RALGAPA1: variants seen among roughly 807,000 people sequenced by gnomAD.
The protein encoded by RALGAPA1 is ral GTPase-activating protein subunit alpha-1.
Under a neutral mutation model 269.6 loss-of-function variants are expected in RALGAPA1, and 52 were observed. The ratio of observed to expected loss-of-function variants is 0.19; its 90% CI spans 0.15 to 0.24. The LOEUF (loss-of-function observed/expected upper bound fraction) is 0.24, where lower values mean the gene tolerates loss of function less well. Among genes scored for constraint, RALGAPA1 ranks in the 10% least tolerant of loss-of-function variants. The probability of loss-of-function intolerance (pLI) is 1.00; values close to 1 mark genes in which losing one functional copy is unlikely to be tolerated. For synonymous variants in RALGAPA1, 817 were observed against 1,008.3 expected, an observed-to-expected ratio of 0.81 and a Z score of 3.60; for missense variants, 1,917 against 3,013.9, an observed-to-expected ratio of 0.64 and a Z score of 8.52.
rs776457004 is a variant in RALGAPA1, at chr14:35,686,539, T to C, written c.4077+3A>G. 8 of 1,594,674 alleles carry C rather than the reference T, an allele frequency of 5.0e-6. No homozygotes were observed. In the South Asian group the frequency reaches 9.2e-5, roughly 18 times the overall value. On this transcript the variant is annotated splice_donor_region_variant and intron_variant, in intron 19 of 41. Transcript: ENST00000680220. ...AAAACCAAATATATAAAATAAAACTTACCGAGGCATTACCACTTCGAAGTC... is the reference window on the plus strand; with the variant it reads ...AAAACCAAATATATAAAATAAAACTCACCGAGGCATTACCACTTCGAAGTC...
intron 36 of RALGAPA1, among the ~76,000 whole-genome samples, chr14:35,599,385 G>C (rs965203035): frequency 5.3e-5 from 8 of 152,084 alleles, no homozygotes; most frequent in Admixed American, 4.6e-4. Context: ...AGTTCTCTAA[G>C]TTTCTCTTCA....
intron 35 of RALGAPA1, among the ~76,000 whole-genome samples, chr14:35,612,139 T>C (rs867374842): frequency 6.6e-6 from 1 of 151,972 alleles, no homozygotes; most frequent in Non-Finnish European, 1.5e-5. Flanking sequence ...TTTGGGAGGC[T>C]GTTAGGAAGA....
At chr14:35,606,121 G>A (rs982963777) in intron 35 of RALGAPA1, among the ~76,000 whole-genome samples, 15 of 152,196 alleles carry the variant, frequency 9.9e-5, no homozygotes, top group Non-Finnish European at 2.2e-4. Context: ...GTACAGAGAT[G>A]AGTGAGAAAG....
chr14:35,579,314 G>A lies in RALGAPA1; in HGVS notation c.7210-6596C>T, dbSNP rs558419930. 1.3e-4 allele frequency among the ~76,000 whole-genome samples: 20 copies of A among 152,244 alleles called. No individual in the cohort carries two copies. In the East Asian group the frequency reaches 1.9e-3, roughly 15 times the overall value. On this transcript the variant is annotated intron_variant, in intron 37 of 41. Transcript: ENST00000680220. The stretch of plus-strand genomic sequence containing the variant: ...AGGCAGGCTGGTGGGGCCAAATCAC[G>A]TAGTGCCATAGTGAGGAATTAGAAT...
chr14:35,693,424 C>G (rs1160627825), intron 17 of RALGAPA1, among the ~76,000 whole-genome samples: 1 of 151,624 alleles, frequency 6.6e-6, no homozygotes, highest in Non-Finnish European at 1.5e-5. Flanking sequence ...TTTAATTATG[C>G]TTCTTATATT....
intron 36 of RALGAPA1, among the ~76,000 whole-genome samples, chr14:35,600,232 C>CTTTTTTTTTTT (rs71124708): frequency 1.6e-4 from 14 of 86,946 alleles, no homozygotes; most frequent in African/African-American, 4.4e-4. Context: ...TTCTTTTTTT[C>CTTTTTTTTTTT]TTTTTTTTTT....
intron 37 of RALGAPA1, among the ~76,000 whole-genome samples, chr14:35,587,247 C>T (rs182879031): frequency 5.6e-4 from 85 of 152,208 alleles, no homozygotes; most frequent in African/African-American, 1.6e-3. Flanking sequence ...AGTTTATTTG[C>T]GTAGAGGTGT....
intron 36 of RALGAPA1, among the ~76,000 whole-genome samples, chr14:35,598,450 G>A (rs899561276): frequency 8.1e-5 from 12 of 148,748 alleles, no homozygotes; most frequent in East Asian, 2.0e-4. Flanking sequence ...ATGGAGTCTC[G>A]CTCTTGTCAC....
chr14:35,784,339 G>A (rs888316716), intron 1 of RALGAPA1, among the ~76,000 whole-genome samples: 1 of 151,966 alleles, frequency 6.6e-6, no homozygotes, highest in South Asian at 2.1e-4. Context: ...ACTTTGAAAA[G>A]ATTATGCTAA....
chr14:35,735,565 T>C (rs191234757), intron 12 of RALGAPA1, among the ~76,000 whole-genome samples: 1 of 151,634 alleles, frequency 6.6e-6, no homozygotes, highest in East Asian at 1.9e-4. Context: ...GTGGGAAGGG[T>C]AGTAGGGGGG....
intron 10 of RALGAPA1, among the ~76,000 whole-genome samples, chr14:35,744,295 C>T (rs913552820): frequency 2.0e-5 from 3 of 150,156 alleles, no homozygotes; most frequent in Non-Finnish European, 2.9e-5. Context: ...CGCTTGAACC[C>T]GAGAGATGGA....
chr14:35,631,670 G>A (rs1046338980), intron 33 of RALGAPA1, among the ~76,000 whole-genome samples: 1 of 152,000 alleles, frequency 6.6e-6, no homozygotes, highest in Non-Finnish European at 1.5e-5. Flanking sequence ...CCCTGGCTTT[G>A]GCTTGCTCTG....
rs111549290 is a variant in RALGAPA1 at position 35,571,773 on chromosome 14, C to T, written c.7368+787G>A. Among the ~76,000 whole-genome samples, 78 of 152,198 alleles carry T rather than the reference C, an allele frequency of 5.1e-4. 2 individuals carry two copies. The highest frequency in any genetic ancestry group is 1.5e-3 in the African/African-American group (63 of 41,518). On this transcript the variant is annotated intron_variant, in intron 38 of 41. Coordinates refer to ENST00000680220, the MANE Select transcript of RALGAPA1 (RefSeq NM_001346249.2). ...ATGTAAAAAAACCCAAAACCAAAACCGAAATATTCTTAGCTTGTGGGTTGT... is the reference window on the plus strand; with the variant it reads ...ATGTAAAAAAACCCAAAACCAAAACTGAAATATTCTTAGCTTGTGGGTTGT...
Position 35,627,856 on chromosome 14 carries a change from C to A in RALGAPA1, c.6091G>T (p.Gly2031Cys). 1 of 1,587,780 alleles carries A rather than the reference C, an allele frequency of 6.3e-7. No homozygotes were observed. The change falls in exon 34 of 42, where the codon GGT becomes TGT. Residue 2031 changes from glycine to cysteine, a missense_variant. Physicochemically the swap from Gly to Cys is radical, Grantham distance 159. Around this residue, in one of 11 missense-constraint regions of RALGAPA1, gnomAD observed 346 missense variants for 566.1 expected, o/e 0.61. Coordinates refer to ENST00000680220, the MANE Select transcript of RALGAPA1 (RefSeq NM_001346249.2). ...ACCTGACTTGTTAGCATAGCAGGAC[C>A]ACCGCTCATTGGATAATGGCCCAGG... Reference protein sequence around the residue: ...NHLGHYPMSGGPAMLTSQVCE... With the variant: ...NHLGHYPMSGCPAMLTSQVCE...
intron 39 of RALGAPA1, among the ~76,000 whole-genome samples, chr14:35,563,957 G>T (rs1022115104): frequency 3.9e-5 from 6 of 152,026 alleles, no homozygotes; most frequent in African/African-American, 1.4e-4. Context: ...TTCTAAGTAC[G>T]ATTTCTACTG....
At chr14:35,799,073 TA>T (rs2076785255) in intron 1 of RALGAPA1, among the ~76,000 whole-genome samples, 2 of 152,016 alleles carry the variant, frequency 1.3e-5, no homozygotes, top group Admixed American at 6.6e-5. Flanking sequence ...TTTTATTACT[TA>T]AAAATCTTTA....
Position 35,689,148 on chromosome 14 carries a change from A to T in RALGAPA1, c.3263T>A (p.Ile1088Asn). Residue 1088 changes from isoleucine to asparagine, a missense_variant, in exon 18 of 42, where the codon ATT becomes AAT. Physicochemically the swap from Ile to Asn is moderately radical, Grantham distance 149. Coordinates refer to ENST00000680220, the MANE Select transcript of RALGAPA1 (RefSeq NM_001346249.2). ...ATGTGGGACAGTGATTTTTTCATTAATTTGCACACTCTTAAGCTTTTCAAC... is the reference window on the plus strand; with the variant it reads ...ATGTGGGACAGTGATTTTTTCATTATTTTGCACACTCTTAAGCTTTTCAAC... Reference protein sequence around the residue: ...TLVEKLKSVQINEKITVPHVM... With the variant: ...TLVEKLKSVQNNEKITVPHVM... The T allele has an allele frequency of 1.6e-6, 2 of 1,234,700 alleles. No individual in the cohort carries two copies. Among genetic ancestry groups the T allele is most frequent in the Non-Finnish European group, 1.0e-6 (1 of 989,608 alleles). The allele number at this position is 1,234,700 out of a possible 1,614,324, so 76.5% of individuals were successfully genotyped here.
At chr14:35,616,816 A>G (rs1268454129) in intron 35 of RALGAPA1, among the ~76,000 whole-genome samples, 1 of 152,178 alleles carries the variant, frequency 6.6e-6, no homozygotes, top group Non-Finnish European at 1.5e-5. Flanking sequence ...AGACAGTTTC[A>G]GTATAGCAGT....
intron 17 of RALGAPA1, 75 bp from the exon 18 acceptor site, chr14:35,690,078 C>G: frequency 9.2e-7 from 1 of 1,085,636 alleles, no homozygotes; most frequent in Non-Finnish European, 1.3e-6. Flanking sequence ...CAATAATGCT[C>G]TAAAGCATAT....
Sources: gnomAD v4.1 joint callset for allele counts (sites outside exome capture counted in the v4.1 genomes callset) on GRCh38, gnomAD v4.1.1 for gene constraint, gnomAD v4.1.1 regional missense constraint, MANE v1.5 for transcripts, NCBI Gene and HGNC (gene_info 2026-07-23, HGNC 2026-07-21) for gene names.